The following SMN1 variants were observed in gnomAD, a reference collection of about 807,000 sequenced individuals.
SMN1 encodes survival of motor neuron 1, telomeric.
For missense variants in SMN1, 15 were observed against 17.1 expected, an observed-to-expected ratio of 0.88 and a Z score of 0.22; for synonymous variants, 3 against 5.1, an observed-to-expected ratio of 0.58 and a Z score of 0.56.
chr5:70,957,272 T>G (rs1196921780), downstream of SMN1, among the ~76,000 whole-genome samples: 1 of 86,238 alleles, frequency 1.2e-5, no homozygotes, highest in Non-Finnish European at 2.4e-5. Flanking sequence ...ACAGGGACAA[T>G]TTGGCTTCCT....
At chr5:70,955,229 A>C (rs1397347379), downstream of SMN1, among the ~76,000 whole-genome samples, 1 of 145,428 alleles carries the variant, frequency 6.9e-6, no homozygotes, top group African/African-American at 2.5e-5. Flanking sequence ...AAAAAAACCA[A>C]ACCAAAGCAA....
At position 70,953,000 on chromosome 5, in the gene SMN1, AT is replaced by A. The variant is rs1208096625; in HGVS notation, c.*574del. ...TAAAAGTATATAATAAAAATATTTAATTTTTTTTTAAATTAGCTGTATCTGT... is the reference window on the plus strand; with the variant it reads ...TAAAAGTATATAATAAAAATATTTAATTTTTTTTAAATTAGCTGTATCTGT... On this transcript the variant is annotated 3_prime_UTR_variant, in exon 9 of 9. Transcript: ENST00000380707. 7 of 69,016 alleles carry A rather than the reference AT, an allele frequency of 1.0e-4. No homozygotes were observed. Among genetic ancestry groups the A allele is most frequent in the African/African-American group, 2.3e-4 (6 of 25,820 alleles). 4.3% of individuals were successfully genotyped at this position (69,016 alleles called of 1,614,324 possible).
downstream of SMN1, among the ~76,000 whole-genome samples, chr5:70,955,069 A>C: frequency 7.1e-6 from 1 of 140,038 alleles, no homozygotes; most frequent in East Asian, 2.1e-4. Flanking sequence ...AAGAATTAGC[A>C]AGGCATGGTG....
chr5:70,943,791 A>G (rs1157246933), intron 5 of SMN1, among the ~76,000 whole-genome samples: 3 of 134,844 alleles, frequency 2.2e-5, no homozygotes, highest in Admixed American at 1.6e-4. Flanking sequence ...TATTTAGGCA[A>G]TTTTTTTTTT....
chr5:70,958,850 A>T (rs1749960423), downstream of SMN1, among the ~76,000 whole-genome samples: 1 of 150,294 alleles, frequency 6.7e-6, no homozygotes, highest in Admixed American at 6.7e-5. Context: ...CAGTGTGGTG[A>T]TTCCTCAGGG....
At chr5:70,927,680 G>A (rs1394155341) in intron 1 of SMN1, among the ~76,000 whole-genome samples, 1 of 15,164 alleles carries the variant, frequency 6.6e-5, no homozygotes, top group African/African-American at 4.0e-4. Context: ...TGGGAGGATC[G>A]GCCGGGCGCT....
At chr5:70,955,114 G>A (rs1376755451), downstream of SMN1, among the ~76,000 whole-genome samples, 8 of 145,016 alleles carry the variant, frequency 5.5e-5, no homozygotes, top group African/African-American at 2.1e-4. Flanking sequence ...TGGAGAGGCT[G>A]AGGCAAAAGG....
downstream of SMN1, chr5:70,953,221 ATC>A (rs1749836107): frequency 2.2e-5 from 2 of 91,800 alleles, 1 homozygote; most frequent in African/African-American, 6.0e-5. Flanking sequence ...CAGTGGTGCA[ATC>A]TCAGCTCACT....
chr5:70,958,617 A>G (rs1258876632), downstream of SMN1, among the ~76,000 whole-genome samples: 21 of 105,872 alleles, frequency 2.0e-4, no homozygotes, highest in Non-Finnish European at 3.8e-4. Context: ...CATGTAGTTG[A>G]GTGGTTTTGA....
intron 6 of SMN1, among the ~76,000 whole-genome samples, chr5:70,945,405 C>T (rs1172750015): frequency 6.1e-5 from 1 of 16,460 alleles, no homozygotes; most frequent in Non-Finnish European, 9.6e-5. Flanking sequence ...GGATTACAGG[C>T]GTGAGCTGCC....
At chr5:70,964,291 AT>A in the SMN1 span, among the ~76,000 whole-genome samples, 1 of 41,634 alleles carries the variant, frequency 2.4e-5, no homozygotes, top group African/African-American at 7.6e-5. Context: ...AAACGAATTT[AT>A]TGGGAACTGG....
At position 70,950,446 on chromosome 5, in the gene SMN1, T is replaced by A. The variant is rs575353659; in HGVS notation, c.835-1495T>A. ...AAAAAAAGGAAGAAAAATATTTTTTTAAATTAATTAGTTTATTTATTTTTT... is the reference window on the plus strand; with the variant it reads ...AAAAAAAGGAAGAAAAATATTTTTTAAAATTAATTAGTTTATTTATTTTTT... On this transcript the variant is annotated intron_variant, in intron 7 of 8. Transcript: ENST00000380707. Among the ~76,000 whole-genome samples, 107 of 150,144 alleles carry A rather than the reference T, an allele frequency of 7.1e-4. 1 individual carries two copies. The South Asian group carries it at 7.1e-3, about 10-fold the overall frequency.
chr5:70,959,194 G>GGAATTGAACAATGAGAAATGAGTGA, the SMN1 span, among the ~76,000 whole-genome samples: 3 of 149,132 alleles, frequency 2.0e-5, no homozygotes, highest in African/African-American at 7.3e-5. Context: ...CTCATAGGTG[G>GGAATTGAACAATGAGAAATGAGTGA]GAATTGAACA....
chr5:70,944,229 AG>A (rs1253989618), intron 5 of SMN1, among the ~76,000 whole-genome samples: 1 of 151,196 alleles, frequency 6.6e-6, no homozygotes, highest in Non-Finnish European at 1.5e-5. Flanking sequence ...CATTGGTCTC[AG>A]GGGGCTGATT....
intron 8 of SMN1, chr5:70,952,211 G>T (rs1448105561): frequency 1.3e-6 from 2 of 1,499,740 alleles, no homozygotes; most frequent in Non-Finnish European, 1.8e-6. Flanking sequence ...GGTTGGTTAT[G>T]TGGAAGAAAC....
the SMN1 span, among the ~76,000 whole-genome samples, chr5:70,959,022 A>G: frequency 1.3e-5 from 2 of 150,786 alleles, no homozygotes; most frequent in Non-Finnish European, 3.0e-5. Flanking sequence ...TCCAACAATG[A>G]TAGACTGGAT....
chr5:70,963,913 C>T, the SMN1 span, among the ~76,000 whole-genome samples: 1 of 74,470 alleles, frequency 1.3e-5, no homozygotes. Flanking sequence ...GAGACGGAGT[C>T]TTGCTCTGTC....
At chr5:70,960,182 C>G in the SMN1 span, among the ~76,000 whole-genome samples, 17 of 150,582 alleles carry the variant, frequency 1.1e-4, no homozygotes, top group East Asian at 1.9e-4. Context: ...TTGTTTATAT[C>G]GTCTTCCCAT....
chr5:70,960,451 T>G, the SMN1 span, among the ~76,000 whole-genome samples: 1 of 147,972 alleles, frequency 6.8e-6, no homozygotes, highest in Admixed American at 6.8e-5. Context: ...TTTCTTATTA[T>G]AAACAAGTGT....
Sources: allele counts gnomAD v4.1 joint callset (sites outside exome capture counted in the v4.1 genomes callset), GRCh38; gene constraint gnomAD v4.1.1; transcripts MANE v1.5; gene names NCBI Gene and HGNC (gene_info 2026-07-23, HGNC 2026-07-21).